The following DGLUCY variants were observed in gnomAD, a reference collection of about 807,000 sequenced individuals.
The protein encoded by DGLUCY is D-glutamate cyclase, also known as D-glutamate cyclase, mitochondrial.
A neutral mutation model predicts 58.5 loss-of-function variants in DGLUCY; 58 were observed. That is an observed-to-expected ratio of 0.99 (90% confidence interval 0.80 to 1.23). The LOEUF is 1.23. DGLUCY is among the 50% of genes most tolerant of loss of function. DGLUCY has a pLI of 0.00. For synonymous variants in DGLUCY, 325 were observed against 314.1 expected, an observed-to-expected ratio of 1.03 and a Z score of -0.37; for missense variants, 779 against 784.7, an observed-to-expected ratio of 0.99 and a Z score of 0.09.
intron 13 of DGLUCY, chr14:91,223,741 A>G (rs532362419): frequency 9.7e-5 from 125 of 1,283,300 alleles, no homozygotes; most frequent in African/African-American, 6.4e-4. Flanking sequence ...AATAAAATCA[A>G]CCTCATTTTG....
chr14:91,218,023 C>T (rs940417587), intron 13 of DGLUCY, among the ~76,000 whole-genome samples: 33 of 152,244 alleles, frequency 2.2e-4, no homozygotes, highest in Admixed American at 2.0e-3. Context: ...AGCTGGGATC[C>T]GAGTCTAGGT....
At chr14:91,067,053 C>A (rs2043834205) in intron 1 of DGLUCY, among the ~76,000 whole-genome samples, 1 of 139,500 alleles carries the variant, frequency 7.2e-6, no homozygotes, top group South Asian at 2.2e-4. Context: ...TGCACTCCAG[C>A]CTGGGTGACA....
At chr14:91,161,053 G>T (rs759178773) in intron 3 of DGLUCY, among the ~76,000 whole-genome samples, 4 of 152,192 alleles carry the variant, frequency 2.6e-5, no homozygotes, top group Non-Finnish European at 5.9e-5. Flanking sequence ...GTTAACTGTT[G>T]TATAACAAGG....
At chr14:91,214,136 A>G (rs1233908938) in intron 12 of DGLUCY, among the ~76,000 whole-genome samples, 2 of 151,500 alleles carry the variant, frequency 1.3e-5, no homozygotes, top group Non-Finnish European at 2.9e-5. Context: ...CCCCTTTTCT[A>G]TGAATCTTTC....
chr14:91,112,643 AAAG>A (rs1454071030), upstream of DGLUCY, among the ~76,000 whole-genome samples: 2 of 152,156 alleles, frequency 1.3e-5, no homozygotes, highest in Non-Finnish European at 2.9e-5. Context: ...ACTTCCAAAA[AAAG>A]AAAAAAAAGG....
At chr14:91,068,079 G>GCGCACACACACA (rs375738080) in intron 1 of DGLUCY, among the ~76,000 whole-genome samples, 2,040 of 146,412 alleles carry the variant, frequency 0.014, 22 homozygotes, top group Admixed American at 0.018. Flanking sequence ...ACACGCGCAC[G>GCGCACACACACA]CACACACACA....
At chr14:91,107,099 C>A (rs1345824959), upstream of DGLUCY, among the ~76,000 whole-genome samples, 2 of 152,132 alleles carry the variant, frequency 1.3e-5, no homozygotes, top group Admixed American at 1.3e-4. Flanking sequence ...TCCATAGCAT[C>A]AATTTTCAAA....
At chr14:91,068,062 C>G (rs1398985380) in intron 1 of DGLUCY, among the ~76,000 whole-genome samples, 2 of 133,728 alleles carry the variant, frequency 1.5e-5, no homozygotes, top group Non-Finnish European at 3.1e-5. Flanking sequence ...GGCGCGTGCA[C>G]ACACACACAC....
intron 13 of DGLUCY, among the ~76,000 whole-genome samples, chr14:91,216,621 G>A (rs1483393193): frequency 6.8e-6 from 1 of 147,078 alleles, no homozygotes; most frequent in Non-Finnish European, 1.5e-5. Context: ...TCCAGCCTTG[G>A]AGACAGAGTG....
intron 1 of DGLUCY, among the ~76,000 whole-genome samples, chr14:91,102,963 T>A (rs1259328456): frequency 6.6e-6 from 1 of 151,994 alleles, no homozygotes; most frequent in Non-Finnish European, 1.5e-5. Flanking sequence ...GATTTCACCA[T>A]GTTGGCAAGG....
intron 13 of DGLUCY, among the ~76,000 whole-genome samples, chr14:91,220,094 T>C (rs1461721696): frequency 2.6e-5 from 4 of 152,236 alleles, no homozygotes; most frequent in African/African-American, 9.6e-5. Context: ...TGTGGACTTC[T>C]CTGTTTCCTA....
intron 9 of DGLUCY, among the ~76,000 whole-genome samples, chr14:91,195,266 A>T (rs908471896): frequency 3.9e-5 from 6 of 152,216 alleles, no homozygotes; most frequent in Middle Eastern, 3.2e-3. Context: ...CTATGCTGGG[A>T]TTCTATCCCA....
Position 91,155,490 on chromosome 14 carries a change from G to A in DGLUCY, c.-81-2149G>A, listed in dbSNP as rs2047565336. On this transcript the variant is annotated intron_variant, in intron 1 of 13. Transcript: ENST00000256324. ...CCAAAGAGATAAACGTGTTTTTATA[G>A]GCTAGAGAGTTGACTGATGGCCAGG... Among the ~76,000 whole-genome samples, 4 of 152,182 alleles carry A rather than the reference G, an allele frequency of 2.6e-5. No homozygotes were observed. The South Asian group carries it at 8.3e-4, about 31-fold the overall frequency.
Position 91,118,087 on chromosome 14 carries a change from C to G in DGLUCY, c.-82+3804C>G, listed in dbSNP as rs12882885. On this transcript the variant is annotated intron_variant, in intron 1 of 13. Transcript: ENST00000256324. ...GTAAATTCTCCCCGCCCCCCCCCCC[C>G]CTTTTTTTTTTTAGACGGAGTCTCA... Among the ~76,000 whole-genome samples, 14 of 64,072 alleles carry G rather than the reference C, an allele frequency of 2.2e-4. 1 individual carries two copies. Among genetic ancestry groups the G allele is most frequent in the Middle Eastern group, 8.3e-3 (1 of 120 alleles). 42.0% of individuals were successfully genotyped at this position (64,072 alleles called of 152,430 possible).
Position 91,215,274 on chromosome 14 carries a change from G to T in DGLUCY, c.1565-131G>T, listed in dbSNP as rs564595492. The T allele has an allele frequency of 6.9e-4, 979 of 1,412,692 alleles. 2 individuals are homozygous for T. Among genetic ancestry groups the T allele is most frequent in the Non-Finnish European group, 8.3e-4 (895 of 1,082,108 alleles). 87.5% of individuals were successfully genotyped at this position (1,412,692 alleles called of 1,614,324 possible). A position where few individuals can be genotyped will look rare whatever the true frequency, so the allele number is the denominator to read the frequency against. On this transcript the variant is annotated intron_variant, in intron 12 of 13. Transcript: ENST00000256324. ...TGGGGCCAAAGAATTTGTGTTTCTA[G>T]CAAGCTCCCAGATGATACTGGTGCT...
At chr14:91,068,109 A>ACACACACC (rs2043857403) in intron 1 of DGLUCY, among the ~76,000 whole-genome samples, 2 of 145,286 alleles carry the variant, frequency 1.4e-5, no homozygotes, top group African/African-American at 5.7e-5. Context: ...ACACACACAC[A>ACACACACC]CACACACCCC....
At chr14:91,102,743 A>ATATG (rs1555391100) in intron 1 of DGLUCY, among the ~76,000 whole-genome samples, 1 of 130,586 alleles carries the variant, frequency 7.7e-6, no homozygotes, top group Non-Finnish European at 1.6e-5. Context: ...TCCAGTGTGT[A>ATATG]TGTGTGTGTG....
intron 1 of DGLUCY, among the ~76,000 whole-genome samples, chr14:91,135,519 G>A (rs191689280): frequency 5.9e-4 from 89 of 151,922 alleles, no homozygotes; most frequent in Non-Finnish European, 1.1e-3. Context: ...GCATGGTGGC[G>A]CATGCCTATA....
intron 1 of DGLUCY, among the ~76,000 whole-genome samples, chr14:91,141,794 G>A (rs961393131): frequency 6.6e-5 from 10 of 150,750 alleles, no homozygotes; most frequent in East Asian, 5.9e-4. Context: ...CAGGTGATTC[G>A]CCCGCCTCAG....
Sources: allele counts gnomAD v4.1 joint callset (sites outside exome capture counted in the v4.1 genomes callset), GRCh38; gene constraint gnomAD v4.1.1; transcripts MANE v1.5; gene names NCBI Gene and HGNC (gene_info 2026-07-23, HGNC 2026-07-21).